Variants in ZBTB20 observed in about 807,000 individuals in gnomAD.
The protein encoded by ZBTB20 is zinc finger and BTB domain-containing protein 20.
A neutral mutation model predicts 56.9 loss-of-function variants in ZBTB20; 9 were observed. The observed-to-expected ratio is 0.16, with a 90% CI of 0.10 to 0.28. ZBTB20 has a LOEUF of 0.28. Ranked by LOEUF, ZBTB20 falls within the 10% of genes least tolerant of loss-of-function variation. The pLI, the probability that ZBTB20 is intolerant of heterozygous loss-of-function variation, is 1.00. For synonymous variants in ZBTB20, 417 were observed against 420.7 expected (o/e 0.99, Z 0.11); for missense variants, 655 against 1,003.0 (o/e 0.65, Z 4.69).
chr3:114,517,027 C>T (rs920505801), intron 6 of ZBTB20, among the ~76,000 whole-genome samples: 3 of 152,186 alleles, frequency 2.0e-5, no homozygotes, highest in African/African-American at 7.2e-5. Context: ...TTCTTTCACT[C>T]ATCAGGTACT....
chr3:115,081,324 A>G (rs2082787215), intron 1 of ZBTB20, among the ~76,000 whole-genome samples: 1 of 152,132 alleles, frequency 6.6e-6, no homozygotes, highest in African/African-American at 2.4e-5. Flanking sequence ...TCACAGTAAT[A>G]TAACCAAAAC....
intron 1 of ZBTB20, among the ~76,000 whole-genome samples, chr3:115,088,300 C>G (rs1049148091): frequency 1.3e-5 from 2 of 151,732 alleles, no homozygotes; most frequent in Non-Finnish European, 2.9e-5. Flanking sequence ...TAAAAGAATG[C>G]CATTTGAGAA....
intron 5 of ZBTB20, among the ~76,000 whole-genome samples, chr3:114,725,977 T>G (rs2065248437): frequency 6.6e-6 from 1 of 152,192 alleles, no homozygotes; most frequent in African/African-American, 2.4e-5. Context: ...GTGACCACAG[T>G]GGGTACTGAA....
In ZBTB20 at chr3:114,339,531, ATTAAAAAATAAAATTTGATTGC is replaced by A. The variant is rs2079604681; in HGVS notation, c.1805-127_1805-106del. On this transcript the variant is annotated intron_variant, in intron 11 of 11. Transcript: ENST00000675478. The surrounding 1 kb of genome is among the most constrained non-coding windows in gnomAD (Gnocchi z 4.2). ...GACAACAAAAAAGAAAAATAAAACA[ATTAAAAAATAAAATTTGATTGC>A]TTAATGGATCATCCTCGTTTGGAAA... 3.1e-6 allele frequency: 4 copies of A among 1,280,784 alleles called. No individual in the cohort carries two copies. The highest frequency in any genetic ancestry group is 1.5e-5 in the African/African-American group (1 of 66,452). 79.3% of individuals were successfully genotyped at this position (1,280,784 alleles called of 1,614,324 possible). A position where few individuals can be genotyped will look rare whatever the true frequency, so the allele number is the denominator to read the frequency against.
intron 6 of ZBTB20, among the ~76,000 whole-genome samples, chr3:114,589,543 T>C (rs1291379918): frequency 1.3e-5 from 2 of 152,224 alleles, no homozygotes; most frequent in African/African-American, 4.8e-5. Flanking sequence ...ATTTATAGAT[T>C]GACCATTTAA....
intron 5 of ZBTB20, among the ~76,000 whole-genome samples, chr3:114,724,067 G>T (rs1280233322): frequency 1.3e-5 from 2 of 151,754 alleles, no homozygotes; most frequent in African/African-American, 2.4e-5. Flanking sequence ...TAGAGACGGG[G>T]TTTCACCGTG....
At chr3:115,134,919 T>C (rs779995274) in intron 1 of ZBTB20, among the ~76,000 whole-genome samples, 23 of 152,262 alleles carry the variant, frequency 1.5e-4, no homozygotes, top group Non-Finnish European at 2.8e-4. Flanking sequence ...AAGAGCTCTG[T>C]TGTCCTATCT....
chr3:114,949,750 G>A (rs2077000364), intron 3 of ZBTB20, among the ~76,000 whole-genome samples: 1 of 150,790 alleles, frequency 6.6e-6, no homozygotes, highest in African/African-American at 2.5e-5. Context: ...CTGGGCGACA[G>A]AGTAAGACTC....
At chr3:114,770,858 C>A (rs926088415) in intron 5 of ZBTB20, among the ~76,000 whole-genome samples, 1 of 152,054 alleles carries the variant, frequency 6.6e-6, no homozygotes, top group Non-Finnish European at 1.5e-5. Context: ...AGTTGAGTAC[C>A]CCTAATCCAA....
At chr3:115,035,690 G>GCAATTCCA (rs1465196859) in intron 2 of ZBTB20, among the ~76,000 whole-genome samples, 1 of 152,110 alleles carries the variant, frequency 6.6e-6, no homozygotes, top group Non-Finnish European at 1.5e-5. Flanking sequence ...ATATGACAGA[G>GCAATTCCA]CAATTCCACC....
intron 4 of ZBTB20, among the ~76,000 whole-genome samples, chr3:114,847,049 G>A (rs1233885875): frequency 6.6e-6 from 1 of 152,164 alleles, no homozygotes; most frequent in African/African-American, 2.4e-5. Context: ...AGTATATTTA[G>A]TGATCTGAGA....
Position 114,498,967 on chromosome 3 carries a change from C to T in ZBTB20, c.-255+1385G>A, listed in dbSNP as rs7648001. On this transcript the variant is annotated intron_variant, in intron 7 of 11. Coordinates refer to ENST00000675478, the MANE Select transcript of ZBTB20 (RefSeq NM_001348800.3). The stretch of plus-strand genomic sequence containing the variant: ...CATCCCGGTGATGTGAGGATTAATG[C>T]CTTGTCTAACACAGAGCTATTATGT... 9.3e-3 allele frequency among the ~76,000 whole-genome samples: 1,409 copies of T among 152,244 alleles called. 23 individuals carry two copies. The highest frequency in any genetic ancestry group is 0.031 in the African/African-American group (1,295 of 41,530).
At position 114,684,825 on chromosome 3, in the gene ZBTB20, G is replaced by A. The variant is rs2062227964; in HGVS notation, c.-295+8703C>T. 1.3e-5 allele frequency among the ~76,000 whole-genome samples: 2 copies of A among 151,982 alleles called. 1 individual carries two copies. The highest frequency in any genetic ancestry group is 4.2e-4 in the South Asian group (2 of 4,816). ...AATGGGGAGGTGGTAGGGTAGGTAG[G>A]TTATATGAACACACATGTCTTCCCT... On this transcript the variant is annotated intron_variant, in intron 6 of 11. Transcript: ENST00000675478.
At chr3:114,593,472 C>T (rs1369690474) in intron 6 of ZBTB20, among the ~76,000 whole-genome samples, 2 of 150,436 alleles carry the variant, frequency 1.3e-5, no homozygotes, top group Non-Finnish European at 2.9e-5. Context: ...GCAATCTCTG[C>T]CTCTGGGGTT....
intron 2 of ZBTB20, among the ~76,000 whole-genome samples, chr3:115,068,599 T>C (rs1576698998): frequency 2.6e-5 from 4 of 152,088 alleles, no homozygotes; most frequent in East Asian, 1.9e-4. Context: ...TATAGAATGA[T>C]TGTATTTCTT....
intron 3 of ZBTB20, among the ~76,000 whole-genome samples, chr3:114,955,746 A>C (rs1400986307): frequency 1.3e-5 from 2 of 152,192 alleles, no homozygotes; most frequent in East Asian, 1.9e-4. Flanking sequence ...CTTTCTAGGG[A>C]ATCAGTTCTT....
At chr3:115,079,069 T>A (rs2082701306) in intron 1 of ZBTB20, among the ~76,000 whole-genome samples, 1 of 152,188 alleles carries the variant, frequency 6.6e-6, no homozygotes, top group South Asian at 2.1e-4. Context: ...ACTGATACCA[T>A]CATGAGTTCA....
rs558009443 is a variant in ZBTB20 at position 114,553,386 on chromosome 3, C to T, written c.-294-52995G>A. Among the ~76,000 whole-genome samples, 31 of 152,216 alleles carry T rather than the reference C, an allele frequency of 2.0e-4. 1 individual carries two copies. In the South Asian group the frequency reaches 4.4e-3, roughly 21 times the overall value. On this transcript the variant is annotated intron_variant, in intron 6 of 11. Coordinates refer to ENST00000675478, the MANE Select transcript of ZBTB20 (RefSeq NM_001348800.3). ...TCCATGAACACTTAGCCTCTTCATA[C>T]CATCCTCTTCCAAGCATTTCTTTGG...
At chr3:114,371,032 C>A (rs145046473) in intron 10 of ZBTB20, among the ~76,000 whole-genome samples, 9 of 152,266 alleles carry the variant, frequency 5.9e-5, no homozygotes, top group Admixed American at 2.0e-4. Flanking sequence ...GCTGTCTGGA[C>A]CCTCTCCTTC....
Sources: allele counts gnomAD v4.1 joint callset (sites outside exome capture counted in the v4.1 genomes callset), GRCh38; gene constraint gnomAD v4.1.1; non-coding constraint Gnocchi (gnomAD v3.1); transcripts MANE v1.5; gene names NCBI Gene and HGNC (gene_info 2026-07-23, HGNC 2026-07-21).